Variants in SPON1 observed in about 807,000 individuals in gnomAD.
SPON1 encodes the protein spondin 1.
Under a neutral mutation model 111.7 loss-of-function variants are expected in SPON1, and 52 were observed. That is an observed-to-expected ratio of 0.47 (90% CI 0.37 to 0.59). The LOEUF (loss-of-function observed/expected upper bound fraction) is 0.59, where lower values mean the gene tolerates loss of function less well. SPON1 is among the 20% of genes least tolerant of loss of function. The pLI is 0.00. For synonymous variants in SPON1, 410 were observed against 395.8 expected, an observed-to-expected ratio of 1.04 and a Z score of -0.43; for missense variants, 957 against 1,068.5, an observed-to-expected ratio of 0.90 and a Z score of 1.46.
chr11:13,994,295 T>G (rs1362054465), intron 2 of SPON1, among the ~76,000 whole-genome samples: 1 of 152,238 alleles, frequency 6.6e-6, no homozygotes, highest in Non-Finnish European at 1.5e-5. Flanking sequence ...TTATAAATAA[T>G]GGAGTAGAAA....
intron 2 of SPON1, among the ~76,000 whole-genome samples, chr11:14,023,320 TAGA>T (rs1263194560): frequency 6.6e-6 from 1 of 152,124 alleles, no homozygotes; most frequent in African/African-American, 2.4e-5. Context: ...AGAGATAAGT[TAGA>T]AGGTTGTTGC....
intron 1 of SPON1, among the ~76,000 whole-genome samples, chr11:13,973,103 G>C (rs192855006): frequency 6.6e-6 from 1 of 152,178 alleles, no homozygotes; most frequent in African/African-American, 2.4e-5. Flanking sequence ...AGGGAGGATA[G>C]CTGCCAGCAA....
At chr11:14,202,158 C>T (rs957421814) in intron 6 of SPON1, among the ~76,000 whole-genome samples, 1 of 152,290 alleles carries the variant, frequency 6.6e-6, no homozygotes, top group Non-Finnish European at 1.5e-5. Flanking sequence ...TCAAAGACAT[C>T]GTCCCTTTAC....
At chr11:14,024,679 T>G (rs892322456) in intron 2 of SPON1, among the ~76,000 whole-genome samples, 2 of 152,202 alleles carry the variant, frequency 1.3e-5, no homozygotes, top group Non-Finnish European at 2.9e-5. Flanking sequence ...AGAGTGGTCT[T>G]GGAAAATGCA....
intron 5 of SPON1, among the ~76,000 whole-genome samples, chr11:14,099,021 T>C (rs1849123575): frequency 6.6e-6 from 1 of 152,218 alleles, no homozygotes; most frequent in African/African-American, 2.4e-5. Context: ...CCTGTTTTTA[T>C]TCATAATTGA....
chr11:13,962,823 T>C lies in SPON1; in HGVS notation c.-82T>C. 1 of 1,288,790 alleles carries C rather than the reference T, an allele frequency of 7.8e-7. No homozygotes were observed. The highest frequency in any genetic ancestry group is 1.0e-6 in the Non-Finnish European group (1 of 988,704). The allele number at this position is 1,288,790 out of a possible 1,614,324, so 79.8% of individuals were successfully genotyped here. A position where few individuals can be genotyped will look rare whatever the true frequency, so the allele number is the denominator to read the frequency against. Reference sequence around the variant, plus strand: ...CTCTCTCCGCCGCGCCTCCGCCAGGTCGCGCCTTCGTCGGGACCACTTCGG... The same window carrying C: ...CTCTCTCCGCCGCGCCTCCGCCAGGCCGCGCCTTCGTCGGGACCACTTCGG... On this transcript the variant is annotated 5_prime_UTR_variant, in exon 1 of 16. Transcript: ENST00000576479.
chr11:14,240,981 G>A (rs944915317), intron 6 of SPON1, among the ~76,000 whole-genome samples: 6 of 152,216 alleles, frequency 3.9e-5, no homozygotes, highest in East Asian at 1.9e-4. Flanking sequence ...AAAGTTTCCC[G>A]TGATATGATA....
chr11:13,991,240 A>T (rs782497591), intron 2 of SPON1, among the ~76,000 whole-genome samples: 8 of 152,142 alleles, frequency 5.3e-5, no homozygotes, highest in Non-Finnish European at 1.2e-4. Flanking sequence ...CTTTTCACAT[A>T]GTCCCATATT....
chr11:14,113,204 A>G (rs1849238611), intron 5 of SPON1, among the ~76,000 whole-genome samples: 1 of 152,198 alleles, frequency 6.6e-6, no homozygotes, highest in South Asian at 2.1e-4. Flanking sequence ...CCCTCTAATC[A>G]TAAACAATCC....
chr11:14,215,092 C>G (rs1848613075), intron 6 of SPON1, among the ~76,000 whole-genome samples: 1 of 151,942 alleles, frequency 6.6e-6, no homozygotes, highest in African/African-American at 2.4e-5. Flanking sequence ...CCATGTTATT[C>G]AGGCTGGAGT....
In SPON1 at chr11:14,259,282, G is replaced by A. The variant is rs1554941586; in HGVS notation, c.1495G>A (p.Gly499Ser). 2 of 1,610,536 alleles carry A rather than the reference G, an allele frequency of 1.2e-6. No homozygotes were observed. The highest frequency in any genetic ancestry group is 1.1e-5 in the South Asian group (1 of 90,110). ...AGCGTTCACTCGGTGTGTTGCAGAC[G>A]GCTCCACCTGCACCATGTCCGAGTG... ...CMGPGCSDED[G>S]STCTMSEWIT... The change falls in exon 12 of 16, where the codon GGC becomes AGC. Residue 499 changes from glycine to serine, a missense_variant and splice_region_variant. Around this residue, in one of 5 missense-constraint regions of SPON1, gnomAD observed 549 missense variants for 606.2 expected, o/e 0.91. Transcript: ENST00000576479. This position sits in a 1 kb window ranked among gnomAD's most constrained non-coding sequence, Gnocchi z 5.0.
At chr11:14,136,019 A>C (rs1409557665) in intron 6 of SPON1, among the ~76,000 whole-genome samples, 1 of 152,190 alleles carries the variant, frequency 6.6e-6, no homozygotes, top group Admixed American at 6.5e-5. Context: ...CATCATAATC[A>C]TTATGGACTG....
intron 1 of SPON1, among the ~76,000 whole-genome samples, chr11:13,964,395 G>C (rs1229767178): frequency 6.6e-6 from 1 of 152,212 alleles, no homozygotes; most frequent in African/African-American, 2.4e-5. Flanking sequence ...AGCCTTGGAC[G>C]GAAGCGGTGG....
intron 6 of SPON1, among the ~76,000 whole-genome samples, chr11:14,235,564 A>G (rs1431487331): frequency 6.6e-6 from 1 of 151,568 alleles, no homozygotes. Flanking sequence ...CTGTAGTCCC[A>G]GCTATTTGGT....
chr11:14,041,965 T>C (rs1848634676), intron 3 of SPON1, among the ~76,000 whole-genome samples: 1 of 152,160 alleles, frequency 6.6e-6, no homozygotes, highest in Non-Finnish European at 1.5e-5. Flanking sequence ...TTTTTCCACC[T>C]GGAATTTAAC....
intron 2 of SPON1, among the ~76,000 whole-genome samples, chr11:13,999,071 C>T (rs1444794903): frequency 4.6e-5 from 7 of 152,076 alleles, no homozygotes; most frequent in African/African-American, 1.2e-4. Flanking sequence ...CACTTAAAGC[C>T]GTTGTGTTTG....
In SPON1 at chr11:14,262,725, G is replaced by A; in HGVS notation, c.2010G>A (p.Glu670=). 1 of 1,613,918 alleles carries A rather than the reference G, an allele frequency of 6.2e-7. No homozygotes were observed. Among genetic ancestry groups the A allele is most frequent in the Non-Finnish European group, 8.5e-7 (1 of 1,179,878 alleles). ...CMLPECPIDC[E]LTEWSQWSEC... is the part of the protein sequence containing the mutation. ...GTGTCTTGCCAGCCATTGACTGTGA[G>A]CTCACCGAGTGGTCCCAGTGGTCGG... Residue 670 remains glutamate (E), a synonymous_variant, in exon 15 of 16, where the codon GAG becomes GAA. Transcript: ENST00000576479.
intron 6 of SPON1, among the ~76,000 whole-genome samples, chr11:14,217,027 G>A (rs895662073): frequency 2.0e-5 from 3 of 152,190 alleles, no homozygotes; most frequent in African/African-American, 7.2e-5. Flanking sequence ...ATCTCAGTAG[G>A]ATACTGGTGA....
chr11:14,204,103 G>A (rs1848491885), intron 6 of SPON1, among the ~76,000 whole-genome samples: 1 of 152,156 alleles, frequency 6.6e-6, no homozygotes, highest in African/African-American at 2.4e-5. Flanking sequence ...GAGTCTGATT[G>A]AACCATTTGC....
Sources: allele counts gnomAD v4.1 joint callset (sites outside exome capture counted in the v4.1 genomes callset), GRCh38; gene constraint gnomAD v4.1.1; regional missense constraint gnomAD v4.1.1; non-coding constraint Gnocchi (gnomAD v3.1); transcripts MANE v1.5; gene names NCBI Gene and HGNC (gene_info 2026-07-23, HGNC 2026-07-21).